Variants in TNR observed in about 807,000 individuals in gnomAD.
TNR encodes the protein tenascin-R.
TNR carries 45 observed loss-of-function variants against 150.4 expected under a neutral mutation model. The observed-to-expected ratio is 0.30, with a 90% CI of 0.24 to 0.38. The LOEUF is 0.38. Ranked by LOEUF, TNR falls within the 10% of genes least tolerant of loss-of-function variation. The pLI, the probability that TNR is intolerant of heterozygous loss-of-function variation, is 1.00. For synonymous variants in TNR, 687 were observed against 678.4 expected (o/e 1.01, Z -0.20); for missense variants, 1,544 against 1,759.1 (o/e 0.88, Z 2.19).
rs1005481466 is a variant in TNR at position 175,599,792 on chromosome 1, C to T, written c.-164-71423G>A. 6.6e-6 allele frequency among the ~76,000 whole-genome samples: 1 copy of T among 152,180 alleles called. No homozygotes were observed. The highest frequency in any genetic ancestry group is 2.4e-5 in the African/African-American group (1 of 41,430). ...ATGCAGTCTCACAACCGTTTTCTGT[C>T]CCACTTGAAACCAGAAAATACACTT... On this transcript the variant is annotated intron_variant, in intron 1 of 22. Coordinates refer to ENST00000367674, the MANE Select transcript of TNR (RefSeq NM_003285.3). The surrounding 1 kb of genome is among the most constrained non-coding windows in gnomAD (Gnocchi z 4.7).
At chr1:175,526,907 T>C (rs1659867534) in intron 2 of TNR, among the ~76,000 whole-genome samples, 1 of 152,230 alleles carries the variant, frequency 6.6e-6, no homozygotes, top group Admixed American at 6.5e-5. Context: ...ACAAGCTATG[T>C]TCTCCTGTGA....
intron 3 of TNR, among the ~76,000 whole-genome samples, chr1:175,404,151 C>G (rs1246825327): frequency 6.6e-6 from 1 of 152,158 alleles, no homozygotes; most frequent in Non-Finnish European, 1.5e-5. Flanking sequence ...TCTCTCTGGG[C>G]AGCCCAAGAA....
intron 3 of TNR, among the ~76,000 whole-genome samples, chr1:175,405,242 G>A (rs1039209535): frequency 6.6e-6 from 1 of 152,202 alleles, no homozygotes; most frequent in African/African-American, 2.4e-5. Context: ...GATAATAGCT[G>A]TTGCTTATAC....
chr1:175,674,805 C>T (rs1323731913), intron 1 of TNR, among the ~76,000 whole-genome samples: 1 of 152,118 alleles, frequency 6.6e-6, no homozygotes, highest in African/African-American at 2.4e-5. Flanking sequence ...GAGGAGAGGA[C>T]CAGGCCCCCC....
intron 4 of TNR, among the ~76,000 whole-genome samples, chr1:175,397,272 C>T (rs1364840064): frequency 1.3e-5 from 2 of 152,118 alleles, no homozygotes; most frequent in Non-Finnish European, 2.9e-5. Context: ...TATGATTGTA[C>T]TCTACTACAC....
intron 1 of TNR, among the ~76,000 whole-genome samples, chr1:175,716,509 A>G (rs998468300): frequency 2.0e-4 from 30 of 151,970 alleles, no homozygotes; most frequent in African/African-American, 6.5e-4. Flanking sequence ...CTCTTGCCCA[A>G]CCCTCTCTTT....
At chr1:175,702,569 T>TA (rs1314521781) in intron 1 of TNR, among the ~76,000 whole-genome samples, 1 of 152,060 alleles carries the variant, frequency 6.6e-6, no homozygotes, top group Non-Finnish European at 1.5e-5. Context: ...TGAAATGGGG[T>TA]AAAGGGTCAG....
chr1:175,355,719 C>A, intron 16 of TNR, 86 bp from the exon 17 acceptor site: 1 of 1,571,398 alleles, frequency 6.4e-7, no homozygotes, highest in Non-Finnish European at 8.7e-7. Flanking sequence ...CTGTTGCCCA[C>A]CTCTTTGGTC....
intron 5 of TNR, among the ~76,000 whole-genome samples, chr1:175,395,347 C>G (rs1653375397): frequency 6.6e-6 from 1 of 152,168 alleles, no homozygotes; most frequent in East Asian, 1.9e-4. Flanking sequence ...ATACCATCTA[C>G]CTACACAAAA....
intron 1 of TNR, among the ~76,000 whole-genome samples, chr1:175,548,315 C>T (rs939733736): frequency 1.3e-4 from 20 of 151,754 alleles, no homozygotes; most frequent in African/African-American, 2.4e-5. Context: ...GAGACCCTTG[C>T]TAAGAATGAA....
At chr1:175,677,272 G>T (rs906745244) in intron 1 of TNR, among the ~76,000 whole-genome samples, 17 of 152,156 alleles carry the variant, frequency 1.1e-4, no homozygotes, top group African/African-American at 3.9e-4. Context: ...AGGATTTCCT[G>T]GGTGTCTTCT....
chr1:175,516,382 G>A (rs1659407282), intron 2 of TNR, among the ~76,000 whole-genome samples: 3 of 152,186 alleles, frequency 2.0e-5, no homozygotes, highest in Admixed American at 1.3e-4. Context: ...AAATGACAGC[G>A]TGGCCCAGGA....
chr1:175,333,883 G>A (rs760586164), intron 20 of TNR, among the ~76,000 whole-genome samples: 1 of 152,228 alleles, frequency 6.6e-6, no homozygotes, highest in Non-Finnish European at 1.5e-5. Flanking sequence ...CACAAGGAAT[G>A]TGGGGAAAGG....
At position 175,315,916 on chromosome 1, in the gene TNR, G is replaced by T. The variant is rs956143880; in HGVS notation, c.*7441C>A. The T allele has an allele frequency of 1.3e-5, 2 of 152,084 alleles. No homozygotes were observed. The highest frequency in any genetic ancestry group is 2.9e-5 in the Non-Finnish European group (2 of 68,020). The allele number at this position is 152,084 out of a possible 1,614,324, so 9.4% of individuals were successfully genotyped here. On this transcript the variant is annotated 3_prime_UTR_variant, in exon 23 of 23. Transcript: ENST00000367674. ...CATAGATTCTAAACCTTGAGTCTGT[G>T]GGACCATGGTGTGAGTCTGGGCCTC...
At chr1:175,737,142 G>A (rs565486072) in intron 1 of TNR, among the ~76,000 whole-genome samples, 2 of 152,322 alleles carry the variant, frequency 1.3e-5, no homozygotes, top group Non-Finnish European at 2.9e-5. Flanking sequence ...GTGGCCTTGG[G>A]CAAGCACGTT....
At chr1:175,644,822 C>A (rs184959753) in intron 1 of TNR, among the ~76,000 whole-genome samples, 3 of 152,362 alleles carry the variant, frequency 2.0e-5, no homozygotes, top group Non-Finnish European at 4.4e-5. Context: ...GGAATCCAAG[C>A]CTTCATTGAG....
chr1:175,551,829 A>G (rs1429021776), intron 1 of TNR, among the ~76,000 whole-genome samples: 1 of 152,194 alleles, frequency 6.6e-6, no homozygotes, highest in Non-Finnish European at 1.5e-5. Context: ...GATTGTAATT[A>G]ACTACATATA....
intron 15 of TNR, among the ~76,000 whole-genome samples, chr1:175,358,727 C>T (rs373644941): frequency 1.4e-4 from 21 of 152,332 alleles, no homozygotes; most frequent in African/African-American, 5.1e-4. Flanking sequence ...TTGGGCTTCT[C>T]TGTTCTGTTC....
chr1:175,689,433 G>A (rs1201832299), intron 1 of TNR, among the ~76,000 whole-genome samples: 1 of 152,180 alleles, frequency 6.6e-6, no homozygotes, highest in South Asian at 2.1e-4. Flanking sequence ...TAGATTGGAG[G>A]CCTGCAAGCT....
Sources: gnomAD v4.1 joint callset for allele counts (sites outside exome capture counted in the v4.1 genomes callset) on GRCh38, gnomAD v4.1.1 for gene constraint, Gnocchi (gnomAD v3.1) non-coding constraint, MANE v1.5 for transcripts, NCBI Gene and HGNC (gene_info 2026-07-23, HGNC 2026-07-21) for gene names.